NUP210: variants seen among roughly 807,000 people sequenced by gnomAD.
The protein encoded by NUP210 is nucleoporin 210.
A neutral mutation model predicts 196.0 loss-of-function variants in NUP210; 151 were observed. That is an observed-to-expected ratio of 0.77 (90% confidence interval 0.67 to 0.88). The LOEUF is 0.88. Ranked by LOEUF, NUP210 falls within the 40% of genes least tolerant of loss-of-function variation. The pLI is 0.00. For synonymous variants in NUP210, 1,070 were observed against 1,052.7 expected (o/e 1.02, Z -0.32); for missense variants, 2,314 against 2,493.7 (o/e 0.93, Z 1.53).
chr3:13,335,730 C>T, intron 27 of NUP210, 118 bp from the exon 28 acceptor site: 6 of 1,181,488 alleles, frequency 5.1e-6, no homozygotes, highest in Non-Finnish European at 7.2e-6. Flanking sequence ...AGCTGCTGGC[C>T]TGTTCTCAAG....
chr3:13,338,142 C>CCAGT (rs757600675), intron 25 of NUP210, among the ~76,000 whole-genome samples: 7 of 152,356 alleles, frequency 4.6e-5, no homozygotes, highest in Middle Eastern at 3.4e-3. Context: ...AGGTCCCAAC[C>CCAGT]CAGTCCCCTG....
chr3:13,326,792 CTGAG>C (rs1423716121), intron 32 of NUP210, among the ~76,000 whole-genome samples: 2 of 152,264 alleles, frequency 1.3e-5, no homozygotes, highest in African/African-American at 4.8e-5. Context: ...GCTAGAGGAA[CTGAG>C]TGAGACTATG....
At chr3:13,322,590 C>G (rs1265294155) in intron 34 of NUP210, among the ~76,000 whole-genome samples, 2 of 152,258 alleles carry the variant, frequency 1.3e-5, no homozygotes, top group Non-Finnish European at 2.9e-5. Flanking sequence ...TGTTCCAGAC[C>G]TTGCATCCAG....
chr3:13,386,257 G>T lies in NUP210; in HGVS notation c.817+18C>A. ...GAGGAAGGAAGCATCTGTCATGATGGCAGAGCCAATGACACACCTGTAATT... is the reference window on the plus strand; with the variant it reads ...GAGGAAGGAAGCATCTGTCATGATGTCAGAGCCAATGACACACCTGTAATT... On this transcript the variant is annotated intron_variant, in intron 6 of 39. Coordinates refer to ENST00000254508, the MANE Select transcript of NUP210 (RefSeq NM_024923.4). 6.2e-7 allele frequency: 1 copy of T among 1,606,450 alleles called. No individual in the cohort carries two copies.
intron 21 of NUP210, 43 bp downstream of exon 21, chr3:13,343,132 T>C: frequency 1.2e-6 from 2 of 1,610,030 alleles, no homozygotes. Flanking sequence ...TCCCAGTTCC[T>C]GCAGGTCAGC....
intron 21 of NUP210, 119 bp from the exon 22 acceptor site, chr3:13,342,242 G>A: frequency 7.8e-7 from 1 of 1,278,110 alleles, no homozygotes; most frequent in African/African-American, 1.5e-5. Flanking sequence ...CTGGGAATCA[G>A]GAGAGTCACC....
chr3:13,355,776 G>C (rs1430263119), intron 16 of NUP210, among the ~76,000 whole-genome samples: 1 of 152,206 alleles, frequency 6.6e-6, no homozygotes, highest in African/African-American at 2.4e-5. Context: ...TTGGGCAGGG[G>C]CTGTAGGGAC....
chr3:13,343,421 G>T, intron 20 of NUP210, 118 bp from the exon 21 acceptor site: 2 of 1,323,708 alleles, frequency 1.5e-6, no homozygotes, highest in Non-Finnish European at 1.0e-6. Flanking sequence ...CACCTCATGG[G>T]ATGCCAGTGG....
chr3:13,319,013 C>T (rs184930), intron 39 of NUP210, 59 bp downstream of exon 39: 649,906 of 1,497,016 alleles, frequency 0.43, 146,062 homozygotes, highest in Admixed American at 0.55. Flanking sequence ...ACCCCTCCCC[C>T]AGGGCTCTTC....
At chr3:13,353,519 C>T in intron 18 of NUP210, 35 bp downstream of exon 18, 1 of 1,551,492 alleles carries the variant, frequency 6.4e-7, no homozygotes, top group Non-Finnish European at 8.9e-7. Flanking sequence ...GCCCCGCTAC[C>T]CATAGCCCAC....
chr3:13,352,275 C>T, intron 18 of NUP210, 91 bp from the exon 19 acceptor site: 3 of 929,702 alleles, frequency 3.2e-6, no homozygotes, highest in South Asian at 3.1e-5. Flanking sequence ...AGGGCCTGGC[C>T]TTGCTCCTGG....
In NUP210 at chr3:13,335,610, C is replaced by CTA; in HGVS notation, c.3686_3687insTA (p.Ile1231ArgfsTer12). The CTA allele has an allele frequency of 6.2e-7, 1 of 1,613,926 alleles. No individual in the cohort carries two copies. Among genetic ancestry groups the CTA allele is most frequent in the East Asian group, 2.2e-5 (1 of 44,876 alleles). ...TGTACTGTGACGGGAGTCGGATCGA[C>CTA]GCCTGGGAAGACATCAAACACGTTT... is the stretch of plus-strand genomic sequence containing the variant. On this transcript the variant is annotated frameshift_variant and splice_region_variant, in exon 28 of 40. Coordinates refer to ENST00000254508, the MANE Select transcript of NUP210 (RefSeq NM_024923.4). LOFTEE classifies it high-confidence loss of function.
At chr3:13,402,025 T>A (rs544729882) in intron 1 of NUP210, among the ~76,000 whole-genome samples, 23 of 152,110 alleles carry the variant, frequency 1.5e-4, no homozygotes, top group African/African-American at 4.6e-4. Context: ...TGAGACGCCA[T>A]CTCTACAAAA....
intron 3 of NUP210, among the ~76,000 whole-genome samples, chr3:13,394,758 C>A (rs1313370870): frequency 6.6e-6 from 1 of 152,236 alleles, no homozygotes; most frequent in Non-Finnish European, 1.5e-5. Context: ...TTGAGCAATT[C>A]TCTTTCTTGA....
At chr3:13,351,552 C>T (rs1361076048) in intron 20 of NUP210, 5 of 245,944 alleles carry the variant, frequency 2.0e-5, no homozygotes, top group Non-Finnish European at 4.0e-5. Context: ...GGAGCATGAC[C>T]ACTGCTCAAT....
intron 6 of NUP210, among the ~76,000 whole-genome samples, chr3:13,382,552 A>G (rs1392496170): frequency 1.3e-5 from 2 of 152,280 alleles, no homozygotes; most frequent in African/African-American, 4.8e-5. Flanking sequence ...AGCCAAAAAA[A>G]AGAAGAGAGG....
intron 1 of NUP210, among the ~76,000 whole-genome samples, chr3:13,418,948 C>CAA (rs112826426): frequency 2.3e-3 from 118 of 52,070 alleles, no homozygotes; most frequent in East Asian, 2.8e-3. Context: ...AACTCCGTCT[C>CAA]AAAAAAAAAA....
chr3:13,390,866 G>C (rs1699466622), intron 4 of NUP210, among the ~76,000 whole-genome samples: 1 of 152,168 alleles, frequency 6.6e-6, no homozygotes, highest in Non-Finnish European at 1.5e-5. Flanking sequence ...GCCGAAACCT[G>C]GCTGCCCTTT....
chr3:13,339,665 C>A (rs1459910119), intron 25 of NUP210, among the ~76,000 whole-genome samples, 189 bp downstream of exon 25: 1 of 152,222 alleles, frequency 6.6e-6, no homozygotes. Context: ...AGAAGAACAA[C>A]CAATGGGGGT....
Sources: allele counts gnomAD v4.1 joint callset (sites outside exome capture counted in the v4.1 genomes callset), GRCh38; gene constraint gnomAD v4.1.1; transcripts MANE v1.5; gene names NCBI Gene and HGNC (gene_info 2026-07-23, HGNC 2026-07-21).